Variants in SLC35E2B observed in about 807,000 individuals in gnomAD.
SLC35E2B encodes solute carrier family 35, member E2B.
A neutral mutation model predicts 32.4 loss-of-function variants in SLC35E2B; 18 were observed. The observed-to-expected ratio is 0.56, with a 90% confidence interval of 0.38 to 0.82. The LOEUF (loss-of-function observed/expected upper bound fraction) is 0.82, where lower values mean the gene tolerates loss of function less well. Among genes scored for constraint, SLC35E2B ranks in the 40% least tolerant of loss-of-function variants. SLC35E2B has a pLI of 0.00. For synonymous variants in SLC35E2B, 132 were observed against 209.1 expected (o/e 0.63, Z 3.18); for missense variants, 263 against 469.5 (o/e 0.56, Z 4.06).
At chr1:1,687,134 C>G (rs2101118960) in intron 2 of SLC35E2B, among the ~76,000 whole-genome samples, 1 of 152,310 alleles carries the variant, frequency 6.6e-6, no homozygotes, top group Non-Finnish European at 1.5e-5. Context: ...TGTGAGGGTG[C>G]TGTCGGGCCC....
At chr1:1,683,405 C>T (rs1299824269) in intron 2 of SLC35E2B, among the ~76,000 whole-genome samples, 1 of 152,182 alleles carries the variant, frequency 6.6e-6, no homozygotes, top group African/African-American at 2.4e-5. Flanking sequence ...ATGAGTTTGA[C>T]AGGACTGCCC....
chr1:1,668,061 C>T (rs1442256492), intron 9 of SLC35E2B, among the ~76,000 whole-genome samples: 2 of 152,054 alleles, frequency 1.3e-5, no homozygotes, highest in African/African-American at 2.4e-5. Context: ...CCATGTTAGC[C>T]AGGCTGGTCT....
At chr1:1,682,230 G>T (rs915066493) in intron 2 of SLC35E2B, among the ~76,000 whole-genome samples, 1 of 152,008 alleles carries the variant, frequency 6.6e-6, no homozygotes, top group African/African-American at 2.4e-5. Flanking sequence ...GCACTTCGCC[G>T]AGGCTGACTT....
chr1:1,675,000 T>C (rs1643805264), intron 5 of SLC35E2B, among the ~76,000 whole-genome samples: 1 of 151,878 alleles, frequency 6.6e-6, no homozygotes. Flanking sequence ...GGGTTGCAGC[T>C]GAGGTCAGGG....
chr1:1,689,389 T>A (rs1322613410), intron 2 of SLC35E2B, among the ~76,000 whole-genome samples: 1 of 151,798 alleles, frequency 6.6e-6, no homozygotes, highest in East Asian at 1.9e-4. Flanking sequence ...AAGCACTCTC[T>A]GCACAGCGGT....
intron 9 of SLC35E2B, among the ~76,000 whole-genome samples, chr1:1,667,825 GTTTA>G (rs774741573): frequency 6.6e-6 from 1 of 151,758 alleles, no homozygotes; most frequent in Non-Finnish European, 1.5e-5. Context: ...ACAGTTTACG[GTTTA>G]TTTTACAGTT....
intron 2 of SLC35E2B, among the ~76,000 whole-genome samples, chr1:1,684,802 A>C (rs1205371820): frequency 6.8e-6 from 1 of 147,272 alleles, no homozygotes; most frequent in Non-Finnish European, 1.5e-5. Flanking sequence ...AAAAAAAAAA[A>C]AAAAAAAAAA....
At position 1,671,583 on chromosome 1, in the gene SLC35E2B, C is replaced by G. The variant is rs148316744; in HGVS notation, c.633G>C (p.Ala211=). The change falls in exon 6 of 10, where the codon GCG becomes GCC. Residue 211 remains alanine, a synonymous_variant. Coordinates refer to ENST00000617444, the MANE Select transcript of SLC35E2B (RefSeq NM_001290264.2). The stretch of plus-strand genomic sequence containing the variant: ...AGCTGATCTCAGTGGCCGTGCACAG[C>G]GCCAGCCCGCCCATGACTGGGATGA... ...LSLIPVMGGL[A]LCTATEISFN... 1.9e-6 allele frequency: 3 copies of G among 1,549,090 alleles called. No individual in the cohort carries two copies. Among genetic ancestry groups the G allele is most frequent in the African/African-American group, 2.7e-5 (2 of 72,902 alleles).
intron 6 of SLC35E2B, chr1:1,671,281 T>G: frequency 2.6e-6 from 1 of 386,024 alleles, no homozygotes; most frequent in Non-Finnish European, 4.6e-6. Flanking sequence ...CGTGTCTCCA[T>G]GGTTAGCATT....
At chr1:1,681,802 T>C (rs1474071178) in intron 2 of SLC35E2B, among the ~76,000 whole-genome samples, 1 of 149,140 alleles carries the variant, frequency 6.7e-6, no homozygotes, top group Non-Finnish European at 1.5e-5. Context: ...TGACTAACAC[T>C]GTGAAATTCT....
rs1165052024 is a variant in SLC35E2B, at chr1:1,662,805, C to G, written c.*2977G>C. The stretch of plus-strand genomic sequence containing the variant: ...GTGGTTCAAGTGTTCTGTTCGTTTA[C>G]AAAAGCACAGACCACGACCATGGAC... On this transcript the variant is annotated 3_prime_UTR_variant, in exon 10 of 10. Coordinates refer to ENST00000617444, the MANE Select transcript of SLC35E2B (RefSeq NM_001290264.2). 1.3e-6 allele frequency: 1 copy of G among 796,062 alleles called. No homozygotes were observed. Among genetic ancestry groups the G allele is most frequent in the African/African-American group, 1.8e-5 (1 of 56,166 alleles). 49.3% of individuals were successfully genotyped at this position (796,062 alleles called of 1,614,324 possible). A position where few individuals can be genotyped will look rare whatever the true frequency, so the allele number is the denominator to read the frequency against.
rs1010889381 is a variant in SLC35E2B, at chr1:1,662,435, C to T, written c.*3347G>A. 6.9e-5 allele frequency: 58 copies of T among 842,074 alleles called. 3 individuals are homozygous for T. Among genetic ancestry groups the T allele is most frequent in the Admixed American group, 2.0e-4 (3 of 15,014 alleles). The allele number at this position is 842,074 out of a possible 1,614,324, so 52.2% of individuals were successfully genotyped here. ...ACCCGTCTGAGTGATCACCCAGGAG[C>T]GCGGCGGCAGCAAGCAGAGCTCACC... On this transcript the variant is annotated 3_prime_UTR_variant, in exon 10 of 10. Coordinates refer to ENST00000617444, the MANE Select transcript of SLC35E2B (RefSeq NM_001290264.2).
intron 2 of SLC35E2B, among the ~76,000 whole-genome samples, chr1:1,685,570 G>A (rs1190509361): frequency 6.6e-6 from 1 of 152,034 alleles, no homozygotes; most frequent in Non-Finnish European, 1.5e-5. Context: ...TATGTCGCTT[G>A]CTTAAAAAGC....
At chr1:1,689,704 G>A (rs1447467345) in intron 2 of SLC35E2B, among the ~76,000 whole-genome samples, 3 of 151,404 alleles carry the variant, frequency 2.0e-5, no homozygotes, top group Non-Finnish European at 3.0e-5. Flanking sequence ...ACCACAAAGT[G>A]GGCCGGGCGC....
intron 2 of SLC35E2B, among the ~76,000 whole-genome samples, chr1:1,681,717 G>A (rs1643901144): frequency 6.8e-6 from 1 of 147,182 alleles, no homozygotes; most frequent in Non-Finnish European, 1.5e-5. Flanking sequence ...CGGGCGTGGT[G>A]GCTCACGCCT....
At chr1:1,678,125 C>T (rs554457300) in intron 2 of SLC35E2B, among the ~76,000 whole-genome samples, 61 of 152,270 alleles carry the variant, frequency 4.0e-4, no homozygotes, top group South Asian at 3.5e-3. Flanking sequence ...CCGTGCTGCC[C>T]GACCCAGTAC....
chr1:1,681,635 C>A (rs536260009), intron 2 of SLC35E2B, among the ~76,000 whole-genome samples: 17 of 150,350 alleles, frequency 1.1e-4, no homozygotes, highest in African/African-American at 3.7e-4. Context: ...GCCTCTCGGG[C>A]AGCTGGAATT....
At position 1,670,232 on chromosome 1, in the gene SLC35E2B, C is replaced by T. The variant is rs919092073; in HGVS notation, c.708-81G>A. ...GGGGGAGAAGGTGTCTGCGCTCACA[C>T]GGAGCGATGGCGACAATGACCAGAC... On this transcript the variant is annotated intron_variant, in intron 6 of 9. Coordinates refer to ENST00000617444, the MANE Select transcript of SLC35E2B (RefSeq NM_001290264.2). The T allele has an allele frequency of 7.6e-5, 80 of 1,051,170 alleles. No homozygotes were observed. The African/African-American group carries it at 9.1e-4, about 12-fold the overall frequency. 65.1% of individuals were successfully genotyped at this position (1,051,170 alleles called of 1,614,324 possible).
intron 5 of SLC35E2B, among the ~76,000 whole-genome samples, chr1:1,673,570 C>T (rs1326270600): frequency 1.3e-5 from 2 of 151,834 alleles, no homozygotes; most frequent in African/African-American, 2.4e-5. Flanking sequence ...CAGAGGAGGC[C>T]GAAGCAGGAG....
Sources: gnomAD v4.1 joint callset for allele counts (sites outside exome capture counted in the v4.1 genomes callset) on GRCh38, gnomAD v4.1.1 for gene constraint, MANE v1.5 for transcripts, NCBI Gene and HGNC (gene_info 2026-07-23, HGNC 2026-07-21) for gene names.